Variants in PTGDR observed in about 807,000 individuals in gnomAD.
PTGDR encodes the protein PGD2 receptor.
In PTGDR, 19 loss-of-function variants were observed where a neutral mutation model predicts 17.4. That is an observed-to-expected ratio of 1.09 (90% CI 0.76 to 1.60). The LOEUF (loss-of-function observed/expected upper bound fraction) is 1.60. Ranked by LOEUF, PTGDR falls within the 40% of genes most tolerant of loss-of-function variation. PTGDR has a pLI of 0.00. For synonymous variants in PTGDR, 267 were observed against 224.2 expected (o/e 1.19, Z -1.71); for missense variants, 526 against 481.9 (o/e 1.09, Z -0.86).
intron 1 of PTGDR, among the ~76,000 whole-genome samples, chr14:52,269,113 C>T (rs143557561): frequency 3.9e-5 from 6 of 152,222 alleles, no homozygotes; most frequent in African/African-American, 1.4e-4. Context: ...GGGCGAATGG[C>T]GTCTGGGACG....
At position 52,274,834 on chromosome 14, in the gene PTGDR, T is replaced by C. The variant is rs945661971; in HGVS notation, c.950T>C (p.Ile317Thr). 9 of 1,611,524 alleles carry C rather than the reference T, an allele frequency of 5.6e-6. No individual in the cohort carries two copies. The highest frequency in any genetic ancestry group is 7.6e-6 in the Non-Finnish European group (9 of 1,177,562). The change falls in exon 2 of 2, where the codon ATT becomes ACT. Residue 317 changes from isoleucine to threonine, a missense_variant. Ile to Thr is a moderately conservative substitution (Grantham distance 89). Coordinates refer to ENST00000306051, the MANE Select transcript of PTGDR (RefSeq NM_000953.3). ...TTGCGATTTCTATCTGTGATTTCAA[T>C]TGTGGACCCTTGGATTTTTATCATT... The part of the protein sequence containing the change: ...RALRFLSVIS[I>T]VDPWIFIIFR...
Position 52,267,834 on chromosome 14 carries a change from G to T in PTGDR, c.20G>T (p.Arg7Leu). The T allele has an allele frequency of 6.4e-7, 1 of 1,570,348 alleles. No homozygotes were observed. Among genetic ancestry groups the T allele is most frequent in the South Asian group, 1.2e-5 (1 of 83,846 alleles). Residue 7 changes from arginine (R) to leucine (L), a missense_variant, in exon 1 of 2, where the codon CGC becomes CTC. Coordinates refer to ENST00000306051, the MANE Select transcript of PTGDR (RefSeq NM_000953.3). Reference sequence around the variant, plus strand: ...CACGCCATGAAGTCGCCGTTCTACCGCTGCCAGAACACCACCTCTGTGGAA... The same window carrying T: ...CACGCCATGAAGTCGCCGTTCTACCTCTGCCAGAACACCACCTCTGTGGAA... The part of the protein sequence containing the change: MKSPFY[R>L]CQNTTSVEKG...
At chr14:52,268,767 C>A in intron 1 of PTGDR, 107 bp downstream of exon 1, 1 of 1,230,764 alleles carries the variant, frequency 8.1e-7, no homozygotes, top group Non-Finnish European at 1.1e-6. Flanking sequence ...AGGCGAGCTG[C>A]GCCCTGGGCC....
chr14:52,280,027 T>G (rs1448296962), downstream of PTGDR, among the ~76,000 whole-genome samples: 2 of 152,002 alleles, frequency 1.3e-5, no homozygotes, highest in Non-Finnish European at 2.9e-5. Flanking sequence ...CAGGACAAAC[T>G]AGAAGGTAAA....
downstream of PTGDR, among the ~76,000 whole-genome samples, chr14:52,280,342 A>G (rs1190216615): frequency 6.6e-6 from 1 of 152,204 alleles, no homozygotes; most frequent in African/African-American, 2.4e-5. Flanking sequence ...AAGTACAATG[A>G]TTTACTGATT....
chr14:52,268,538 G>T lies in PTGDR; in HGVS notation c.724G>T (p.Asp242Tyr), dbSNP rs140878897. ...LQRHPRSCTR[D>Y]CAEPRADGRE... ...GCGGCACCCGCGCTCCTGCACCAGG[G>T]ACTGTGCCGAGCCGCGCGCGGACGG... The change falls in exon 1 of 2, where the codon GAC (aspartate) becomes TAC (tyrosine). Residue 242 changes from aspartate to tyrosine, a missense_variant. Asp to Tyr is a radical substitution (Grantham distance 160). Coordinates refer to ENST00000306051, the MANE Select transcript of PTGDR (RefSeq NM_000953.3). 2.5e-6 allele frequency: 4 copies of T among 1,612,348 alleles called. No homozygotes were observed. In the African/African-American group the frequency reaches 4.0e-5, roughly 16 times the overall value.
rs199665512 is a variant in PTGDR, at chr14:52,274,792, C to T, written c.908C>T (p.Ala303Val). ...GAGAAAAACAGGACCTCTGAAGAAG[C>T]AGAAGACCTCCGAGCCTTGCGATTT... Reference protein sequence around the residue: ...VKEKNRTSEEAEDLRALRFLS... With the variant: ...VKEKNRTSEEVEDLRALRFLS... Residue 303 changes from alanine (A) to valine (V), a missense_variant, in exon 2 of 2, where the codon GCA becomes GTA. Physicochemically the swap from Ala to Val is moderately conservative, Grantham distance 64. Transcript: ENST00000306051. 7 of 1,613,756 alleles carry T rather than the reference C, an allele frequency of 4.3e-6. No individual in the cohort carries two copies. The highest frequency in any genetic ancestry group is 5.9e-6 in the Non-Finnish European group (7 of 1,179,754).
In PTGDR at chr14:52,276,549, C is replaced by A. The variant is rs760861740; in HGVS notation, c.*1585C>A. On this transcript the variant is annotated 3_prime_UTR_variant, in exon 2 of 2. Coordinates refer to ENST00000306051, the MANE Select transcript of PTGDR (RefSeq NM_000953.3). The stretch of plus-strand genomic sequence containing the variant: ...ACAGTATGACATGATGAAAAAAATA[C>A]AGTTGTTTTTGAAATTTAACTTTTG... 6.6e-6 allele frequency: 1 copy of A among 152,212 alleles called. No individual in the cohort carries two copies. Among genetic ancestry groups the A allele is most frequent in the Non-Finnish European group, 1.5e-5 (1 of 68,016 alleles). The allele number at this position is 152,212 out of a possible 1,614,324, so 9.4% of individuals were successfully genotyped here. A position where few individuals can be genotyped will look rare whatever the true frequency, so the allele number is the denominator to read the frequency against.
In PTGDR at chr14:52,267,811, C is replaced by T. The variant is rs200556142; in HGVS notation, c.-4C>T. The stretch of plus-strand genomic sequence containing the variant: ...TTCACTCCAGCCCTCTGCTCCCGCA[C>T]GCCATGAAGTCGCCGTTCTACCGCT... On this transcript the variant is annotated 5_prime_UTR_variant, in exon 1 of 2. It adds an upstream start codon to the 5' untranslated region. Transcript: ENST00000306051. 183 of 1,549,296 alleles carry T rather than the reference C, an allele frequency of 1.2e-4. No homozygotes were observed. Among genetic ancestry groups the T allele is most frequent in the Admixed American group, 2.9e-4 (15 of 52,568 alleles).
At chr14:52,278,436 G>A (rs1474161201), downstream of PTGDR, among the ~76,000 whole-genome samples, 1 of 152,130 alleles carries the variant, frequency 6.6e-6, no homozygotes, top group Non-Finnish European at 1.5e-5. Flanking sequence ...ATGGACACAG[G>A]AAGGGGAACA....
chr14:52,274,754 T>C lies in PTGDR; in HGVS notation c.870T>C (p.Phe290=). The C allele has an allele frequency of 6.2e-7, 1 of 1,612,718 alleles. No homozygotes were observed. Among genetic ancestry groups the C allele is most frequent in the Non-Finnish European group, 8.5e-7 (1 of 1,178,684 alleles). The change falls in exon 2 of 2, where the codon TTT becomes TTC. Residue 290 remains phenylalanine, a synonymous_variant. Transcript: ENST00000306051. ...PVIYRAYYGA[F]KDVKEKNRTS... ...AGTATCGCGCTTACTATGGAGCATTTAAGGATGTCAAGGAGAAAAACAGGA... is the reference window on the plus strand; with the variant it reads ...AGTATCGCGCTTACTATGGAGCATTCAAGGATGTCAAGGAGAAAAACAGGA...
In PTGDR at chr14:52,270,941, A is replaced by C. The variant is rs139827483; in HGVS notation, c.846+2281A>C. On this transcript the variant is annotated intron_variant, in intron 1 of 1. Coordinates refer to ENST00000306051, the MANE Select transcript of PTGDR (RefSeq NM_000953.3). Reference sequence around the variant, plus strand: ...TCAATGGAGTTGAAAAAGATTTTCCAAAAAAACTAGCAAGTTCCAAATATA... The same window carrying C: ...TCAATGGAGTTGAAAAAGATTTTCCCAAAAAACTAGCAAGTTCCAAATATA... Among the ~76,000 whole-genome samples the C allele has an allele frequency of 1.2e-4, 19 of 152,338 alleles. 1 individual carries two copies. Among genetic ancestry groups the C allele is most frequent in the African/African-American group, 4.6e-4 (19 of 41,574 alleles).
At chr14:52,269,730 G>C (rs1030727665) in intron 1 of PTGDR, among the ~76,000 whole-genome samples, 9 of 152,198 alleles carry the variant, frequency 5.9e-5, no homozygotes, top group Non-Finnish European at 1.3e-4. Context: ...AGGCCTTACT[G>C]CTTGCGGAAA....
intron 1 of PTGDR, 123 bp downstream of exon 1, chr14:52,268,783 G>A (rs533669983): frequency 1.4e-5 from 15 of 1,103,758 alleles, no homozygotes; most frequent in South Asian, 3.0e-5. Context: ...GGGCCAGGAA[G>A]GTTTGCTGCT....
rs78747368 is a variant in PTGDR, at chr14:52,270,023, G to A, written c.846+1363G>A. Among the ~76,000 whole-genome samples the A allele has an allele frequency of 2.7e-3, 416 of 152,210 alleles. 1 individual carries two copies. The highest frequency in any genetic ancestry group is 9.8e-3 in the African/African-American group (406 of 41,508). ...CTCAGATTCAGGGTTCACATTTGTA[G>A]AATCACACTCTAAAACAGGAGTTAG... On this transcript the variant is annotated intron_variant, in intron 1 of 1. Coordinates refer to ENST00000306051, the MANE Select transcript of PTGDR (RefSeq NM_000953.3).
chr14:52,276,928 T>A (rs2033436773), downstream of PTGDR, among the ~76,000 whole-genome samples: 1 of 152,192 alleles, frequency 6.6e-6, no homozygotes, highest in South Asian at 2.1e-4. Flanking sequence ...TAAACAAGCT[T>A]AGGTAAGTCC....
chr14:52,268,084 C>G lies in PTGDR; in HGVS notation c.270C>G (p.Asn90Lys). ...SPVVLAAYAQ[N>K]RSLRVLAPAL... ...TGGTGCTGGCTGCCTACGCTCAGAA[C>G]CGGAGTCTGCGGGTGCTTGCGCCCG... The change falls in exon 1 of 2, where the codon AAC (asparagine) becomes AAG (lysine). Residue 90 changes from asparagine to lysine, a missense_variant. Asn to Lys is a moderately conservative substitution (Grantham distance 94). Transcript: ENST00000306051. The G allele has an allele frequency of 1.9e-6, 3 of 1,613,758 alleles. No homozygotes were observed. Among genetic ancestry groups the G allele is most frequent in the East Asian group, 4.5e-5 (2 of 44,860 alleles).
At position 52,275,306 on chromosome 14, in the gene PTGDR, C is replaced by T. The variant is rs1020728924; in HGVS notation, c.*342C>T. On this transcript the variant is annotated 3_prime_UTR_variant, in exon 2 of 2. Transcript: ENST00000306051. ...TTTTTTAGAGAGGCCTTGAGACATACAGGTCTTTTAAAATACAGTAGAAAC... is the reference window on the plus strand; with the variant it reads ...TTTTTTAGAGAGGCCTTGAGACATATAGGTCTTTTAAAATACAGTAGAAAC... The T allele has an allele frequency of 5.1e-6, 1 of 197,210 alleles. No homozygotes were observed. The highest frequency in any genetic ancestry group is 2.4e-5 in the African/African-American group (1 of 42,224). The allele number at this position is 197,210 out of a possible 1,614,324, so 12.2% of individuals were successfully genotyped here. A position where few individuals can be genotyped will look rare whatever the true frequency, so the allele number is the denominator to read the frequency against.
chr14:52,280,878 G>T (rs1250631320), downstream of PTGDR, among the ~76,000 whole-genome samples: 1 of 152,112 alleles, frequency 6.6e-6, no homozygotes, highest in East Asian at 1.9e-4. Context: ...TCCCAGGTGT[G>T]TATCCTTAAC....
Sources: allele counts gnomAD v4.1 joint callset (sites outside exome capture counted in the v4.1 genomes callset), GRCh38; gene constraint gnomAD v4.1.1; transcripts MANE v1.5; gene names NCBI Gene and HGNC (gene_info 2026-07-23, HGNC 2026-07-21).